PSAT1: variants seen among roughly 807,000 people sequenced by gnomAD.
PSAT1 encodes phosphoserine aminotransferase 1, also known as phosphoserine aminotransferase.
PSAT1 carries 41 observed loss-of-function variants against 40.3 expected under a neutral mutation model. That is an observed-to-expected ratio of 1.02 (90% CI 0.79 to 1.32). The LOEUF (loss-of-function observed/expected upper bound fraction) is 1.32, where lower values mean the gene tolerates loss of function less well. PSAT1 is among the 40% of genes most tolerant of loss of function. The pLI is 0.00. For synonymous variants in PSAT1, 147 were observed against 170.5 expected, an observed-to-expected ratio of 0.86 and a Z score of 1.07; for missense variants, 406 against 455.8, an observed-to-expected ratio of 0.89 and a Z score of 0.99.
Position 78,300,637 on chromosome 9 carries a change from C to T in PSAT1, c.96C>T (p.Tyr32=). 2 of 1,595,178 alleles carry T rather than the reference C, an allele frequency of 1.3e-6. No homozygotes were observed. ...AGATACAAAAGGAATTATTAGACTA[C>T]AAAGGAGTTGGCATTAGTGTTCTTG... ...LLEIQKELLD[Y]KGVGISVLEM... is the part of the protein sequence containing the mutation. Residue 32 remains tyrosine, a synonymous_variant, in exon 2 of 9, where the codon TAC becomes TAT. Coordinates refer to ENST00000376588, the MANE Select transcript of PSAT1 (RefSeq NM_058179.4).
chr9:78,307,606 G>T (rs901742594), intron 5 of PSAT1, among the ~76,000 whole-genome samples: 8 of 152,192 alleles, frequency 5.3e-5, no homozygotes, highest in Admixed American at 5.2e-4. Context: ...TTGCACAACA[G>T]AATTACCTAA....
At chr9:78,324,378 G>A (rs945382618) in intron 7 of PSAT1, among the ~76,000 whole-genome samples, 8 of 151,990 alleles carry the variant, frequency 5.3e-5, no homozygotes, top group Admixed American at 2.6e-4. Context: ...TCTTTCCCTG[G>A]TTCCCACTTG....
intron 1 of PSAT1, among the ~76,000 whole-genome samples, chr9:78,299,507 T>C (rs1445635232): frequency 1.6e-5 from 2 of 122,716 alleles, no homozygotes; most frequent in South Asian, 2.7e-4. Flanking sequence ...TTTTTTTTAA[T>C]CTAATTCTTT....
In PSAT1 at chr9:78,311,153, C is replaced by A. The variant is rs80331340; in HGVS notation, c.740+2570C>A. Reference sequence around the variant, plus strand: ...CGCCTGTCTTACCTCTGGGGAAGCACCAGTGGTCACTGGCCAACTGGGACA... The same window carrying A: ...CGCCTGTCTTACCTCTGGGGAAGCAACAGTGGTCACTGGCCAACTGGGACA... On this transcript the variant is annotated intron_variant, in intron 6 of 8. Transcript: ENST00000376588. Among the ~76,000 whole-genome samples, 293 of 152,274 alleles carry A rather than the reference C, an allele frequency of 1.9e-3. 2 individuals carry two copies. The highest frequency in any genetic ancestry group is 6.8e-3 in the African/African-American group (284 of 41,560).
Position 78,315,145 on chromosome 9 carries a change from T to G in PSAT1, c.741-2531T>G, listed in dbSNP as rs368909950. On this transcript the variant is annotated intron_variant, in intron 6 of 8. Coordinates refer to ENST00000376588, the MANE Select transcript of PSAT1 (RefSeq NM_058179.4). Reference sequence around the variant, plus strand: ...GTGTGCTGGACTTGGCCACTGTCACTGGTGTGTGGTGATAGCTCTGCAGTC... The same window carrying G: ...GTGTGCTGGACTTGGCCACTGTCACGGGTGTGTGGTGATAGCTCTGCAGTC... Among the ~76,000 whole-genome samples, 73 of 152,294 alleles carry G rather than the reference T, an allele frequency of 4.8e-4. 1 individual carries two copies. The South Asian group carries it at 0.015, about 31-fold the overall frequency.
At chr9:78,309,466 G>A (rs1400597936) in intron 6 of PSAT1, among the ~76,000 whole-genome samples, 1 of 152,312 alleles carries the variant, frequency 6.6e-6, no homozygotes, top group South Asian at 2.1e-4. Flanking sequence ...AGGTTCAAGC[G>A]ATTCTCCTGC....
At chr9:78,326,955 A>ATT (rs1554688170) in intron 7 of PSAT1, among the ~76,000 whole-genome samples, 808 of 75,896 alleles carry the variant, frequency 0.011, 47 homozygotes, top group African/African-American at 0.043. Flanking sequence ...ATATATATAT[A>ATT]TTTTTTTTTT....
At chr9:78,306,623 C>A in intron 5 of PSAT1, 137 bp downstream of exon 5, 1 of 1,075,580 alleles carries the variant, frequency 9.3e-7, no homozygotes, top group Non-Finnish European at 1.4e-6. Context: ...TGCCAGTGAG[C>A]AGGCTGCCAG....
Position 78,297,125 on chromosome 9 carries a change from G to T in PSAT1, c.-86G>T. On this transcript the variant is annotated 5_prime_UTR_variant, in exon 1 of 9. Coordinates refer to ENST00000376588, the MANE Select transcript of PSAT1 (RefSeq NM_058179.4). ...ACAAGGCGGGGGTTCGGGGCCGGCT[G>T]CAGACTCTCACCGCAGCGGCCAGGA... 7.1e-7 allele frequency: 1 copy of T among 1,405,976 alleles called. No individual in the cohort carries two copies. The allele number at this position is 1,405,976 out of a possible 1,614,324, so 87.1% of individuals were successfully genotyped here.
chr9:78,308,070 A>G (rs1477884192), intron 5 of PSAT1, among the ~76,000 whole-genome samples: 4 of 152,094 alleles, frequency 2.6e-5, no homozygotes, highest in Admixed American at 1.3e-4. Context: ...TTCTCTTGGT[A>G]ACCAGGGAGA....
chr9:78,301,970 A>G lies in PSAT1; in HGVS notation c.138A>G (p.Ser46=). The change falls in exon 3 of 9, where the codon TCA becomes TCG. Residue 46 remains serine (S), a synonymous_variant. Coordinates refer to ENST00000376588, the MANE Select transcript of PSAT1 (RefSeq NM_058179.4). ...GISVLEMSHR[S]SDFAKIINNT... ...CTTTCACAGAAATGAGTCACAGGTC[A>G]TCAGATTTTGCCAAGATTATTAACA... is the stretch of plus-strand genomic sequence containing the variant. 3 of 1,611,138 alleles carry G rather than the reference A, an allele frequency of 1.9e-6. No homozygotes were observed. Among genetic ancestry groups the G allele is most frequent in the Non-Finnish European group, 2.5e-6 (3 of 1,177,386 alleles).
Position 78,308,445 on chromosome 9 carries a change from A to T in PSAT1, c.602A>T (p.Asn201Ile), listed in dbSNP as rs752949842. 1.9e-6 allele frequency: 3 copies of T among 1,613,794 alleles called. No individual in the cohort carries two copies. The highest frequency in any genetic ancestry group is 2.5e-6 in the Non-Finnish European group (3 of 1,179,806). ...GTGATTTTTGCTGGTGCCCAGAAGA[A>T]TGTTGGCTCTGCTGGGGTCACCGTG... ...FGVIFAGAQKNVGSAGVTVVI... is the reference protein window; with the variant it reads ...FGVIFAGAQKIVGSAGVTVVI... The change falls in exon 6 of 9, where the codon AAT becomes ATT. Residue 201 changes from asparagine to isoleucine, a missense_variant. Physicochemically the swap from Asn to Ile is moderately radical, Grantham distance 149. Coordinates refer to ENST00000376588, the MANE Select transcript of PSAT1 (RefSeq NM_058179.4).
At chr9:78,313,541 A>C (rs1334231411) in intron 6 of PSAT1, among the ~76,000 whole-genome samples, 1 of 152,210 alleles carries the variant, frequency 6.6e-6, no homozygotes, top group Non-Finnish European at 1.5e-5. Context: ...TGGAACTTGA[A>C]CTTTACCATA....
intron 2 of PSAT1, among the ~76,000 whole-genome samples, chr9:78,301,592 CA>C (rs1420529502): frequency 6.6e-6 from 1 of 152,124 alleles, no homozygotes; most frequent in Non-Finnish European, 1.5e-5. Context: ...AGTGAGATCA[CA>C]GCATGGAATT....
chr9:78,304,941 G>A lies in PSAT1; in HGVS notation c.397+1G>A. The A allele has an allele frequency of 1.2e-6, 2 of 1,612,250 alleles. No individual in the cohort carries two copies. Among genetic ancestry groups the A allele is most frequent in the African/African-American group, 2.7e-5 (2 of 74,978 alleles). ...CACCCTAAACTTGGGAGTTATACAA[G>A]TAAGTTCTGGGAGCTGAGCTGGGTG... On this transcript the variant is annotated splice_donor_variant, in intron 4 of 8. Transcript: ENST00000376588. LOFTEE classifies it high-confidence loss of function.
At chr9:78,317,279 A>C (rs3780191) in intron 6 of PSAT1, among the ~76,000 whole-genome samples, 1 of 151,706 alleles carries the variant, frequency 6.6e-6, no homozygotes. Context: ...TGGAGACAGG[A>C]TCTCGCTCTG....
intron 1 of PSAT1, chr9:78,298,397 G>A (rs1342440618): frequency 1.0e-6 from 1 of 985,220 alleles, no homozygotes; most frequent in East Asian, 1.1e-4. Flanking sequence ...TCTGTGTTGT[G>A]GTAAGAACAG....
At chr9:78,298,319 G>T in intron 1 of PSAT1, 1 of 985,232 alleles carries the variant, frequency 1.0e-6, no homozygotes, top group South Asian at 4.7e-5. Context: ...GCAGCATGAG[G>T]CATAGCCAAG....
At chr9:78,304,260 T>G (rs1192269647) in intron 3 of PSAT1, among the ~76,000 whole-genome samples, 1 of 152,246 alleles carries the variant, frequency 6.6e-6, no homozygotes, top group Non-Finnish European at 1.5e-5. Context: ...GTTCTCTTCA[T>G]TGGGTGGCCA....
Sources: allele counts gnomAD v4.1 joint callset (sites outside exome capture counted in the v4.1 genomes callset), GRCh38; gene constraint gnomAD v4.1.1; transcripts MANE v1.5; gene names NCBI Gene and HGNC (gene_info 2026-07-23, HGNC 2026-07-21).